SLC41A3: variants seen among roughly 807,000 people sequenced by gnomAD.
SLC41A3 encodes SLC41A1-like 2.
Under a neutral mutation model 45.4 loss-of-function variants are expected in SLC41A3, and 44 were observed. The observed-to-expected ratio is 0.97, with a 90% CI of 0.76 to 1.25. The LOEUF is 1.25. SLC41A3 is among the 50% of genes most tolerant of loss of function. SLC41A3 has a pLI of 0.00. For synonymous variants in SLC41A3, 256 were observed against 252.4 expected, an observed-to-expected ratio of 1.01 and a Z score of -0.13; for missense variants, 550 against 600.6, an observed-to-expected ratio of 0.92 and a Z score of 0.88.
rs374368317 is a variant in SLC41A3 at position 126,097,384 on chromosome 3, A to C, written c.-79+4045T>G. On this transcript the variant is annotated intron_variant, in intron 1 of 9. Coordinates refer to the SLC41A3 transcript ENST00000508835. Reference sequence around the variant, plus strand: ...GTTAACAGGTGTGGACTACCAGGAAATGGCCTCTCCCTGGCGCTGTGAAAT... The same window carrying C: ...GTTAACAGGTGTGGACTACCAGGAACTGGCCTCTCCCTGGCGCTGTGAAAT... Among the ~76,000 whole-genome samples the C allele has an allele frequency of 3.3e-5, 5 of 152,280 alleles. No individual in the cohort carries two copies. In the East Asian group the frequency reaches 7.7e-4, roughly 24 times the overall value.
At chr3:126,071,600 T>C (rs1301183014) in intron 1 of SLC41A3, among the ~76,000 whole-genome samples, 1 of 152,220 alleles carries the variant, frequency 6.6e-6, no homozygotes, top group East Asian at 1.9e-4. Flanking sequence ...TACTCAATCT[T>C]ATCAAGTGCA....
At chr3:126,037,090 T>A (rs2107793200) in intron 3 of SLC41A3, among the ~76,000 whole-genome samples, 1 of 152,302 alleles carries the variant, frequency 6.6e-6, no homozygotes, top group South Asian at 2.1e-4. Flanking sequence ...TGGGGGCAGA[T>A]CCCTCATGAA....
At chr3:126,044,483 C>T (rs1942811268) in intron 3 of SLC41A3, among the ~76,000 whole-genome samples, 1 of 152,160 alleles carries the variant, frequency 6.6e-6, no homozygotes, top group African/African-American at 2.4e-5. Context: ...ATACAAAACA[C>T]TCCACCGAAC....
In SLC41A3 at chr3:126,048,105, G is replaced by A. The variant is rs138207210; in HGVS notation, c.381+2838C>T. Among the ~76,000 whole-genome samples, 15 of 152,062 alleles carry A rather than the reference G, an allele frequency of 9.9e-5. No individual in the cohort carries two copies. The East Asian group carries it at 2.3e-3, about 24-fold the overall frequency. On this transcript the variant is annotated intron_variant, in intron 3 of 10. Coordinates refer to ENST00000360370, the MANE Select transcript of SLC41A3 (RefSeq NM_017836.4). ...AGTTTTCCAAAGAAGACATACAAAC[G>A]GCCAATAAGCACATGAAAAGATGCT...
At chr3:126,055,462 C>T (rs925405038) in intron 2 of SLC41A3, among the ~76,000 whole-genome samples, 1 of 152,014 alleles carries the variant, frequency 6.6e-6, no homozygotes, top group Non-Finnish European at 1.5e-5. Flanking sequence ...TGCAGTGAGC[C>T]GAGATCACGC....
chr3:126,016,805 G>A lies in SLC41A3; in HGVS notation c.816C>T (p.Ala272=), dbSNP rs1382420226. ...AALTPVWVLI[A]KQSPPIVKIL... Reference sequence around the variant, plus strand: ...TCTTCACGATGGGTGGGCTCTGCTTGGCAATGAGGACCCACACTGGGGTCA... The same window carrying A: ...TCTTCACGATGGGTGGGCTCTGCTTAGCAATGAGGACCCACACTGGGGTCA... Residue 272 remains alanine, a synonymous_variant, in exon 7 of 11, where the codon GCC becomes GCT. Coordinates refer to ENST00000360370, the MANE Select transcript of SLC41A3 (RefSeq NM_017836.4). The A allele has an allele frequency of 1.5e-5, 24 of 1,612,664 alleles. No homozygotes were observed. The highest frequency in any genetic ancestry group is 2.0e-5 in the Non-Finnish European group (24 of 1,179,656).
At chr3:126,007,867 G>A (rs1327917481) in intron 10 of SLC41A3, among the ~76,000 whole-genome samples, 1 of 152,204 alleles carries the variant, frequency 6.6e-6, no homozygotes, top group East Asian at 1.9e-4. Flanking sequence ...AGCGCCCACG[G>A]TGCTCCCTGC....
At chr3:126,013,674 T>G (rs902188201) in intron 8 of SLC41A3, among the ~76,000 whole-genome samples, 1 of 151,986 alleles carries the variant, frequency 6.6e-6, no homozygotes, top group East Asian at 1.9e-4. Flanking sequence ...CTCATGGCTG[T>G]GTGGTCTGAG....
intron 1 of SLC41A3, among the ~76,000 whole-genome samples, chr3:126,098,657 C>G (rs1945648970): frequency 6.6e-6 from 1 of 152,254 alleles, no homozygotes; most frequent in Admixed American, 6.5e-5. Context: ...GGCATCCAGG[C>G]AGGCCTGGCC....
chr3:126,049,173 C>T (rs768066470), intron 3 of SLC41A3, among the ~76,000 whole-genome samples: 6 of 151,524 alleles, frequency 4.0e-5, no homozygotes, highest in Non-Finnish European at 5.9e-5. Flanking sequence ...GAGATACGAT[C>T]GTTGTAGAGA....
intron 3 of SLC41A3, among the ~76,000 whole-genome samples, chr3:126,042,987 T>A (rs1942693091): frequency 2.0e-5 from 3 of 147,300 alleles, no homozygotes; most frequent in Non-Finnish European, 1.5e-5. Flanking sequence ...TTTGAAGAAA[T>A]GATGGCCAAA....
At chr3:126,084,507 C>G (rs1945332779), upstream of SLC41A3, 1 of 152,196 alleles carries the variant, frequency 6.6e-6, no homozygotes, top group South Asian at 2.1e-4. Flanking sequence ...CCGCCTTTTG[C>G]TTTAAAAACA....
At chr3:126,008,427 G>GT (rs1210615147) in intron 10 of SLC41A3, among the ~76,000 whole-genome samples, 1 of 151,784 alleles carries the variant, frequency 6.6e-6, no homozygotes, top group East Asian at 1.9e-4. Context: ...GTGTTGTGGA[G>GT]TGTGTGGTGT....
chr3:126,060,774 C>T (rs1194646035), intron 2 of SLC41A3, among the ~76,000 whole-genome samples: 1 of 152,226 alleles, frequency 6.6e-6, no homozygotes, highest in Non-Finnish European at 1.5e-5. Context: ...GAACTAGATT[C>T]CAGCTGCACG....
intron 1 of SLC41A3, among the ~76,000 whole-genome samples, chr3:126,074,787 C>A (rs1437040109): frequency 1.3e-5 from 2 of 152,004 alleles, no homozygotes; most frequent in Non-Finnish European, 2.9e-5. Flanking sequence ...CTCAAGTAAT[C>A]CTCCCACCTC....
At chr3:126,095,472 C>T (rs1945580952) in intron 1 of SLC41A3, 3 of 449,598 alleles carry the variant, frequency 6.7e-6, no homozygotes, top group African/African-American at 4.1e-5. Flanking sequence ...TAGTGATGAT[C>T]ACCATTGCCG....
intron 2 of SLC41A3, among the ~76,000 whole-genome samples, chr3:126,052,715 C>T (rs1424458701): frequency 6.6e-6 from 1 of 152,190 alleles, no homozygotes; most frequent in Non-Finnish European, 1.5e-5. Context: ...CCCCTGGCCT[C>T]TGGGCCTCCA....
At chr3:126,088,787 C>T (rs757403454), upstream of SLC41A3, among the ~76,000 whole-genome samples, 6 of 152,048 alleles carry the variant, frequency 3.9e-5, no homozygotes, top group Admixed American at 1.3e-4. Flanking sequence ...AAATGTATAG[C>T]GGATTGTAAA....
rs57262035 is a variant in SLC41A3 at position 126,098,925 on chromosome 3, CTTTT to C, written c.-79+2500_-79+2503del. ...TCCAGGAGGGATGGACATGACCTGGCTTTTTTTTTTTTTTTTTTTTTTGTATTTT... is the reference window on the plus strand; with the variant it reads ...TCCAGGAGGGATGGACATGACCTGGCTTTTTTTTTTTTTTTTTTGTATTTT... On this transcript the variant is annotated intron_variant, in intron 1 of 9. Transcript: ENST00000508835. 1.0e-3 allele frequency among the ~76,000 whole-genome samples: 110 copies of C among 109,626 alleles called. 1 individual carries two copies. Among genetic ancestry groups the C allele is most frequent in the Admixed American group, 1.3e-3 (14 of 10,780 alleles). The allele number at this position is 109,626 out of a possible 152,430, so 71.9% of individuals were successfully genotyped here.
Sources: gnomAD v4.1 joint callset for allele counts (sites outside exome capture counted in the v4.1 genomes callset) on GRCh38, gnomAD v4.1.1 for gene constraint, MANE v1.5 for transcripts, NCBI Gene and HGNC (gene_info 2026-07-23, HGNC 2026-07-21) for gene names.